CRPPA: variants seen among roughly 807,000 people sequenced by gnomAD.
CRPPA encodes D-ribitol-5-phosphate cytidylyltransferase.
Under a neutral mutation model 52.0 loss-of-function variants are expected in CRPPA, and 43 were observed. The ratio of observed to expected loss-of-function variants is 0.83; its 90% CI spans 0.65 to 1.07. The LOEUF is 1.07. CRPPA is among the 50% of genes least tolerant of loss of function. CRPPA has a pLI of 0.00. For synonymous variants in CRPPA, 250 were observed against 203.5 expected, an observed-to-expected ratio of 1.23 and a Z score of -1.94; for missense variants, 629 against 551.7, an observed-to-expected ratio of 1.14 and a Z score of -1.40.
intron 9 of CRPPA, among the ~76,000 whole-genome samples, chr7:16,190,629 T>A (rs141234039): frequency 1.6e-3 from 248 of 152,260 alleles, no homozygotes; most frequent in Middle Eastern, 3.4e-3. Context: ...TAATTTTTTT[T>A]CAATAGATTT....
At chr7:16,218,842 G>T (rs1189238178) in intron 8 of CRPPA, among the ~76,000 whole-genome samples, 1 of 148,262 alleles carries the variant, frequency 6.7e-6, no homozygotes, top group Non-Finnish European at 1.5e-5. Flanking sequence ...CATTAATAAT[G>T]GGAGACTTTA....
At chr7:16,240,919 G>A (rs974047440) in intron 8 of CRPPA, among the ~76,000 whole-genome samples, 1 of 152,048 alleles carries the variant, frequency 6.6e-6, no homozygotes, top group Non-Finnish European at 1.5e-5. Flanking sequence ...GCACACAGAA[G>A]GAATCACTAT....
At chr7:16,342,805 A>G (rs1785903225) in intron 3 of CRPPA, among the ~76,000 whole-genome samples, 1 of 131,494 alleles carries the variant, frequency 7.6e-6, no homozygotes, top group Admixed American at 7.9e-5. Flanking sequence ...ATATCTATAT[A>G]GATATATAGA....
At chr7:16,278,047 G>T (rs911962724) in intron 6 of CRPPA, 82 bp downstream of exon 6, 14 of 746,770 alleles carry the variant, frequency 1.9e-5, no homozygotes, top group African/African-American at 3.6e-5. Context: ...ATTTTTATGG[G>T]TTTTTTTCCA....
intron 5 of CRPPA, among the ~76,000 whole-genome samples, chr7:16,289,509 T>C (rs965237769): frequency 3.3e-5 from 5 of 152,144 alleles, no homozygotes; most frequent in African/African-American, 7.2e-5. Context: ...TTCCCAGGGA[T>C]GCAAGATGGT....
intron 2 of CRPPA, among the ~76,000 whole-genome samples, chr7:16,377,344 A>G (rs1040283381): frequency 6.6e-6 from 1 of 152,238 alleles, no homozygotes; most frequent in Non-Finnish European, 1.5e-5. Context: ...CCCAGTACCT[A>G]TCAGTAGAGC....
intron 5 of CRPPA, among the ~76,000 whole-genome samples, chr7:16,289,025 T>C (rs1376888954): frequency 6.6e-6 from 1 of 151,840 alleles, no homozygotes; most frequent in Admixed American, 6.6e-5. Context: ...AAGGAGACAT[T>C]ATAACTGATA....
At chr7:16,398,814 G>T (rs1005793906) in intron 2 of CRPPA, among the ~76,000 whole-genome samples, 1 of 152,202 alleles carries the variant, frequency 6.6e-6, no homozygotes, top group Non-Finnish European at 1.5e-5. Context: ...ATTGAAACGT[G>T]ACCAATACGT....
chr7:16,330,775 T>C (rs558821603), intron 3 of CRPPA, among the ~76,000 whole-genome samples: 1 of 152,228 alleles, frequency 6.6e-6, no homozygotes, highest in East Asian at 1.9e-4. Context: ...AGGCTGCTCT[T>C]CTTAGCAAGG....
intron 4 of CRPPA, among the ~76,000 whole-genome samples, chr7:16,302,001 C>T (rs772899396): frequency 6.6e-6 from 1 of 152,048 alleles, no homozygotes; most frequent in Non-Finnish European, 1.5e-5. Context: ...CTATAGGGTA[C>T]CACTATGTGT....
chr7:16,213,749 C>CAA lies in CRPPA; in HGVS notation c.1251+2315_1251+2316dup, dbSNP rs11454459. 6.4e-3 allele frequency among the ~76,000 whole-genome samples: 851 copies of CAA among 131,944 alleles called. 6 individuals carry two copies. The highest frequency in any genetic ancestry group is 0.016 in the African/African-American group (586 of 36,008). 86.6% of individuals were successfully genotyped at this position (131,944 alleles called of 152,430 possible). A position where few individuals can be genotyped will look rare whatever the true frequency, so the allele number is the denominator to read the frequency against. ...GGGCAACAAGAGAAAAACTTCGGCT[C>CAA]AAAAAAAAAAAAAAATTACAGAACT... On this transcript the variant is annotated intron_variant, in intron 9 of 9. Coordinates refer to ENST00000407010, the MANE Select transcript of CRPPA (RefSeq NM_001101426.4).
At chr7:16,419,766 A>C (rs1562695919) in intron 1 of CRPPA, among the ~76,000 whole-genome samples, 1 of 151,798 alleles carries the variant, frequency 6.6e-6, no homozygotes, top group East Asian at 1.9e-4. Context: ...CTCCAAACTC[A>C]TCAATTCGCA....
intron 9 of CRPPA, among the ~76,000 whole-genome samples, chr7:16,146,134 C>T (rs1032261556): frequency 8.6e-5 from 13 of 151,654 alleles, no homozygotes; most frequent in Non-Finnish European, 1.5e-4. Context: ...CAGCAGAAAC[C>T]TTTCAAGCCA....
chr7:16,113,567 A>C (rs1285445591), intron 9 of CRPPA, among the ~76,000 whole-genome samples: 1 of 152,106 alleles, frequency 6.6e-6, no homozygotes, highest in Admixed American at 6.6e-5. Flanking sequence ...TAGAAGGAAT[A>C]CATCAAAACA....
At chr7:16,206,276 G>T (rs1781971889) in intron 9 of CRPPA, among the ~76,000 whole-genome samples, 1 of 152,032 alleles carries the variant, frequency 6.6e-6, no homozygotes, top group African/African-American at 2.4e-5. Flanking sequence ...CATACCAGTA[G>T]GTAATATATA....
At position 16,380,139 on chromosome 7, in the gene CRPPA, C is replaced by A. The variant is rs1463666186; in HGVS notation, c.535-3898G>T. ...TTGGCTGTGGGTTTGTCAAAGACAG[C>A]TCTTATTATTTTGAGATACGTCCCA... On this transcript the variant is annotated intron_variant, in intron 2 of 9. Coordinates refer to ENST00000407010, the MANE Select transcript of CRPPA (RefSeq NM_001101426.4). Among the ~76,000 whole-genome samples, 3 of 151,000 alleles carry A rather than the reference C, an allele frequency of 2.0e-5. No individual in the cohort carries two copies. In the East Asian group the frequency reaches 5.8e-4, roughly 29 times the overall value.
In CRPPA at chr7:16,090,674, G is replaced by A. The variant is rs762693467; in HGVS notation, c.*1021C>T. The A allele has an allele frequency of 6.6e-6, 1 of 152,076 alleles. No individual in the cohort carries two copies. Among genetic ancestry groups the A allele is most frequent in the Non-Finnish European group, 1.5e-5 (1 of 68,064 alleles). 9.4% of individuals were successfully genotyped at this position (152,076 alleles called of 1,614,324 possible). A position where few individuals can be genotyped will look rare whatever the true frequency, so the allele number is the denominator to read the frequency against. On this transcript the variant is annotated 3_prime_UTR_variant, in exon 10 of 10. Transcript: ENST00000407010. The stretch of plus-strand genomic sequence containing the variant: ...GGAGGCAGAGGTTGCAGTCAGCTGA[G>A]ATTGTGCCACTGCACTCCAGCCTGA...
At chr7:16,104,080 T>C (rs987366675) in intron 9 of CRPPA, among the ~76,000 whole-genome samples, 4 of 152,200 alleles carry the variant, frequency 2.6e-5, no homozygotes. Context: ...CTTTTGAATA[T>C]TGGTTAATGG....
intron 9 of CRPPA, among the ~76,000 whole-genome samples, chr7:16,132,082 C>G (rs1204610216): frequency 2.0e-5 from 3 of 152,144 alleles, no homozygotes; most frequent in African/African-American, 4.8e-5. Context: ...GGAACCACCT[C>G]CTGCCTGGCA....
Sources: gnomAD v4.1 joint callset for allele counts (sites outside exome capture counted in the v4.1 genomes callset) on GRCh38, gnomAD v4.1.1 for gene constraint, MANE v1.5 for transcripts, NCBI Gene and HGNC (gene_info 2026-07-23, HGNC 2026-07-21) for gene names.